Variants in SBF1 observed in about 807,000 individuals in gnomAD.
SBF1 encodes myotubularin-related protein 5.
Under a neutral mutation model 215.8 loss-of-function variants are expected in SBF1, and 65 were observed. The observed-to-expected ratio is 0.30, with a 90% CI of 0.25 to 0.37. The LOEUF is 0.37. Among genes scored for constraint, SBF1 ranks in the 10% least tolerant of loss-of-function variants. SBF1 has a pLI of 1.00. For missense variants in SBF1, 2,634 were observed against 2,667.8 expected, an observed-to-expected ratio of 0.99 and a Z score of 0.28; for synonymous variants, 1,410 against 1,122.8, an observed-to-expected ratio of 1.26 and a Z score of -5.11.
intron 15 of SBF1, among the ~76,000 whole-genome samples, chr22:50,463,946 G>A (rs1329794407): frequency 1.3e-5 from 2 of 152,222 alleles, no homozygotes; most frequent in Non-Finnish European, 2.9e-5. Flanking sequence ...AAAAAGCTCT[G>A]TTTCCATAAG....
At chr22:50,458,581 G>T (rs1285309450) in intron 28 of SBF1, among the ~76,000 whole-genome samples, 1 of 152,228 alleles carries the variant, frequency 6.6e-6, no homozygotes, top group Non-Finnish European at 1.5e-5. Context: ...ATATAATGTG[G>T]TATCTGGAAA....
At position 50,448,639 on chromosome 22, in the gene SBF1, C is replaced by T. The variant is rs760440756; in HGVS notation, c.5055G>A (p.Arg1685=). 5.6e-6 allele frequency: 9 copies of T among 1,610,758 alleles called. No individual in the cohort carries two copies. Among genetic ancestry groups the T allele is most frequent in the Admixed American group, 1.7e-5 (1 of 60,020 alleles). The part of the protein sequence containing the change: ...AISRLLEELQ[R]LETELGQPAE... ...CGGGTTGGCCCAACTCTGTCTCCAG[C>T]CTCTGCAGCTCCTGGGGGAAGAATT... The change falls in exon 37 of 41, where the codon AGG becomes AGA. Residue 1685 remains arginine, a synonymous_variant. Coordinates refer to ENST00000380817, the MANE Select transcript of SBF1 (RefSeq NM_002972.4).
intron 34 of SBF1, 27 bp from the exon 35 acceptor site, chr22:50,454,971 G>GC (rs1275767249): frequency 1.2e-6 from 2 of 1,613,810 alleles, no homozygotes; most frequent in African/African-American, 1.3e-5. Context: ...CTGAGCCTGG[G>GC]CCCCTCCTGA....
intron 36 of SBF1, among the ~76,000 whole-genome samples, chr22:50,449,486 G>T (rs927680049): frequency 1.3e-5 from 2 of 151,916 alleles, no homozygotes; most frequent in Non-Finnish European, 2.9e-5. Context: ...GCAGTGGCAG[G>T]CACCAGTAAT....
At chr22:50,458,512 C>T (rs1432947379) in intron 28 of SBF1, among the ~76,000 whole-genome samples, 2 of 152,028 alleles carry the variant, frequency 1.3e-5, no homozygotes, top group African/African-American at 4.8e-5. Flanking sequence ...GCAAATGCCA[C>T]TCAGGGTTTC....
chr22:50,460,457 G>A (rs372453008), intron 24 of SBF1, 49 bp from the exon 25 acceptor site: 32 of 1,602,822 alleles, frequency 2.0e-5, no homozygotes, highest in Non-Finnish European at 2.7e-5. Flanking sequence ...GGACAAAGAT[G>A]AGCACAGGGG....
At position 50,447,331 on chromosome 22, in the gene SBF1, G is replaced by A. The variant is rs373023288; in HGVS notation, c.5574C>T (p.Ala1858=). 6.2e-7 allele frequency: 1 copy of A among 1,614,040 alleles called. No homozygotes were observed. ...MGAPKTVDEK[A]FFDVKTTRRV... is the part of the protein sequence containing the mutation. ...CCCGGCCAAGGCTCACGTCAAAGAA[G>A]GCCTTCTCGTCCACAGTCTTAGGGG... The change falls in exon 40 of 41, where the codon GCC becomes GCT. Residue 1858 remains alanine, a synonymous_variant. Transcript: ENST00000380817.
chr22:50,460,684 A>C lies in SBF1; in HGVS notation c.2996T>G (p.Val999Gly), dbSNP rs1603432512. ...GAAGAGCTCGGCGCTGTCAGACCCC[A>C]CCTCCTCGTCAAAGGCCATTTTCAG... ...QLLKMAFDEE[V>G]GSDSAELFRK... The change falls in exon 24 of 41, where the codon GTG becomes GGG. Residue 999 changes from valine to glycine, a missense_variant. By Grantham distance (109) the Val-to-Gly change is moderately radical. Coordinates refer to ENST00000380817, the MANE Select transcript of SBF1 (RefSeq NM_002972.4). 1 of 1,613,250 alleles carries C rather than the reference A, an allele frequency of 6.2e-7. No individual in the cohort carries two copies.
chr22:50,471,952 C>T (rs762837174), intron 1 of SBF1, among the ~76,000 whole-genome samples: 64 of 152,360 alleles, frequency 4.2e-4, no homozygotes, highest in Non-Finnish European at 5.6e-4. Flanking sequence ...CAGGCAGATG[C>T]ACACTCAGCT....
chr22:50,455,653 G>C, intron 31 of SBF1, 71 bp from the exon 32 acceptor site: 1 of 1,287,170 alleles, frequency 7.8e-7, no homozygotes, highest in South Asian at 1.3e-5. Context: ...CCAGGCCAGA[G>C]ACCCGCATGT....
At chr22:50,447,495 AG>A in intron 39 of SBF1, 26 bp downstream of exon 39, 1 of 976,938 alleles carries the variant, frequency 1.0e-6, no homozygotes, top group South Asian at 1.3e-5. Context: ...CTCCCCCGTG[AG>A]TCCCCCCCAC....
chr22:50,464,730 C>G lies in SBF1; in HGVS notation c.1440G>C (p.Pro480=). 1 of 1,607,264 alleles carries G rather than the reference C, an allele frequency of 6.2e-7. No homozygotes were observed. Among genetic ancestry groups the G allele is most frequent in the Non-Finnish European group, 8.5e-7 (1 of 1,177,654 alleles). ...LAEQLYKNEN[P]YPAVAMHKVQ... The stretch of plus-strand genomic sequence containing the variant: ...CCTTGTGCATCGCCACGGCTGGGTA[C>G]GGGTTCTCCTGTGGGGAGACGGCAG... Residue 480 remains proline, a synonymous_variant, in exon 14 of 41, where the codon CCG becomes CCC. Coordinates refer to ENST00000380817, the MANE Select transcript of SBF1 (RefSeq NM_002972.4).
intron 36 of SBF1, 82 bp downstream of exon 36, chr22:50,454,430 T>C (rs1324757007): frequency 4.9e-6 from 6 of 1,222,084 alleles, no homozygotes; most frequent in African/African-American, 3.0e-5. Context: ...CATGTACGAG[T>C]GTACACACAC....
chr22:50,460,338 A>G lies in SBF1; in HGVS notation c.3217T>C (p.Tyr1073His). ...CGGTGCTCCCAGCTGGGGGGGTTGT[A>G]CTTCTTGCGAGTGACATGCTGCCGC... ...IGRQHVTRKK[Y>H]NPPSWEHRGQ... Residue 1073 changes from tyrosine (Y) to histidine (H), a missense_variant, in exon 25 of 41, where the codon TAC becomes CAC. Coordinates refer to ENST00000380817, the MANE Select transcript of SBF1 (RefSeq NM_002972.4). 6.2e-7 allele frequency: 1 copy of G among 1,613,270 alleles called. No individual in the cohort carries two copies. Among genetic ancestry groups the G allele is most frequent in the Non-Finnish European group, 8.5e-7 (1 of 1,179,578 alleles).
chr22:50,467,717 G>A lies in SBF1; in HGVS notation c.280-27C>T, dbSNP rs7286288. On this transcript the variant is annotated intron_variant, in intron 3 of 40. Transcript: ENST00000380817. ...TGCTGGGGGTCAGGGGGAGACGGGG[G>A]CAGGGGGAGTTGGCCACGGCCCAAG... 0.013 allele frequency: 20,886 copies of A among 1,602,170 alleles called. 2,393 individuals are homozygous for A. The African/African-American group carries it at 0.25, about 19-fold the overall frequency.
chr22:50,466,822 G>A (rs1367996578), intron 5 of SBF1, 112 bp from the exon 6 acceptor site: 1 of 717,602 alleles, frequency 1.4e-6, no homozygotes, highest in Non-Finnish European at 2.3e-6. Context: ...CCCGAGGTGG[G>A]ACTGGCTGGG....
chr22:50,465,780 A>T lies in SBF1; in HGVS notation c.1072T>A (p.Ser358Thr), dbSNP rs528285407. Residue 358 changes from serine to threonine, a missense_variant, in exon 10 of 41, where the codon TCC (serine) becomes ACC (threonine). By Grantham distance (58) the Ser-to-Thr change is moderately conservative. Transcript: ENST00000380817. ...LAFPPPTTSTSSLKMQDKELR... is the reference protein window; with the variant it reads ...LAFPPPTTSTTSLKMQDKELR... Reference sequence around the variant, plus strand: ...ACCCCCACCTGCATCTTCAGGGAGGAGGTGGATGTCGTGGGCGGAGGGAAG... The same window carrying T: ...ACCCCCACCTGCATCTTCAGGGAGGTGGTGGATGTCGTGGGCGGAGGGAAG... The T allele has an allele frequency of 2.5e-5, 40 of 1,608,264 alleles. No individual in the cohort carries two copies. The South Asian group carries it at 4.0e-4, about 16-fold the overall frequency.
At chr22:50,471,966 G>A (rs1326213842) in intron 1 of SBF1, among the ~76,000 whole-genome samples, 1 of 152,222 alleles carries the variant, frequency 6.6e-6, no homozygotes, top group African/African-American at 2.4e-5. Context: ...CTCAGCTGCT[G>A]GAGATGGAAG....
chr22:50,466,852 G>A (rs760831764), intron 5 of SBF1, 142 bp from the exon 6 acceptor site: 2 of 613,706 alleles, frequency 3.3e-6, no homozygotes, highest in South Asian at 2.1e-5. Context: ...ATGGCAAGAG[G>A]GAAACGCCAT....
Sources: gnomAD v4.1 joint callset for allele counts (sites outside exome capture counted in the v4.1 genomes callset) on GRCh38, gnomAD v4.1.1 for gene constraint, MANE v1.5 for transcripts, NCBI Gene and HGNC (gene_info 2026-07-23, HGNC 2026-07-21) for gene names.